Variants in USP35 observed in about 807,000 individuals in gnomAD.
The protein encoded by USP35 is ubiquitin specific peptidase 35, also known as ubiquitin carboxyl-terminal hydrolase 35.
A neutral mutation model predicts 83.8 loss-of-function variants in USP35; 69 were observed. The ratio of observed to expected loss-of-function variants is 0.82; its 90% CI spans 0.68 to 1.01. The LOEUF (loss-of-function observed/expected upper bound fraction) is 1.01, where lower values mean the gene tolerates loss of function less well. USP35 is among the 50% of genes least tolerant of loss of function. USP35 has a pLI of 0.00. For synonymous variants in USP35, 714 were observed against 589.5 expected (o/e 1.21, Z -3.06); for missense variants, 1,503 against 1,362.5 (o/e 1.10, Z -1.62).
chr11:78,227,812 G>A, the USP35 span, among the ~76,000 whole-genome samples: 1 of 151,748 alleles, frequency 6.6e-6, no homozygotes, highest in Non-Finnish European at 1.5e-5. Context: ...AAAAACACAC[G>A]CCCCAACACA....
At chr11:78,230,652 G>C in the USP35 span, among the ~76,000 whole-genome samples, 1 of 152,268 alleles carries the variant, frequency 6.6e-6, no homozygotes, top group Non-Finnish European at 1.5e-5. Context: ...GCATATGATA[G>C]ATAATAGTGA....
downstream of USP35, chr11:78,219,441 G>A (rs766355207): frequency 9.9e-6 from 16 of 1,610,266 alleles, no homozygotes; most frequent in South Asian, 1.8e-4. Flanking sequence ...GGGAAAGAGG[G>A]AGTAGCTGTG....
rs1565407683 is a variant in USP35 at position 78,214,242 on chromosome 11, G to GGGGT, written c.*432_*433insTGGG. On this transcript the variant is annotated 3_prime_UTR_variant, in exon 11 of 11. Transcript: ENST00000529308. ...ATCCAAGCCTTGCACAAAGGGGTGGGGGGGGCAGTGTCTCCTCTGGCTGTC... is the reference window on the plus strand; with the variant it reads ...ATCCAAGCCTTGCACAAAGGGGTGGGGGGTGGGGGCAGTGTCTCCTCTGGCTGTC... The GGGGT allele has an allele frequency of 6.7e-6, 1 of 149,904 alleles. No homozygotes were observed. The highest frequency in any genetic ancestry group is 2.5e-5 in the African/African-American group (1 of 39,442). The allele number at this position is 149,904 out of a possible 1,614,324, so 9.3% of individuals were successfully genotyped here. A position where few individuals can be genotyped will look rare whatever the true frequency, so the allele number is the denominator to read the frequency against.
Position 78,213,791 on chromosome 11 carries a change from A to G in USP35, c.3035A>G (p.Asp1012Gly), listed in dbSNP as rs761401940. The G allele has an allele frequency of 6.4e-7, 1 of 1,551,460 alleles. No homozygotes were observed. Among genetic ancestry groups the G allele is most frequent in the Non-Finnish European group, 8.6e-7 (1 of 1,156,906 alleles). The change falls in exon 11 of 11, where the codon GAC becomes GGC. Residue 1012 changes from aspartate to glycine, a missense_variant. Coordinates refer to ENST00000529308, the MANE Select transcript of USP35 (RefSeq NM_020798.4). ...AATCCTGCAGGTGGCAATGGTGGTG[A>G]CTTCCACAGACTGGTCTTCTAATGT... The part of the protein sequence containing the change: ...GCNPAGGNGG[D>G]FHRLVF
intron 10 of USP35, among the ~76,000 whole-genome samples, chr11:78,211,924 C>T (rs74958227): frequency 0.037 from 5,557 of 152,142 alleles, 250 homozygotes; most frequent in African/African-American, 0.11. Context: ...CCTTGTACTC[C>T]GCATAAGCTC....
At chr11:78,194,595 G>C (rs1190728684) in intron 1 of USP35, among the ~76,000 whole-genome samples, 3 of 152,198 alleles carry the variant, frequency 2.0e-5, no homozygotes, top group Admixed American at 2.0e-4. Flanking sequence ...TGTTAAGAGA[G>C]CAAGCTGTGC....
At chr11:78,226,434 CCTCT>C in the USP35 span, 21 of 1,531,922 alleles carry the variant, frequency 1.4e-5, no homozygotes, top group Admixed American at 3.3e-5. Flanking sequence ...CCTCCTCCTC[CCTCT>C]GAGTCTCAGC....
At chr11:78,231,628 G>T in the USP35 span, among the ~76,000 whole-genome samples, 4 of 152,284 alleles carry the variant, frequency 2.6e-5, no homozygotes, top group Admixed American at 2.6e-4. Flanking sequence ...GATTACAGGC[G>T]TGAGCCACTG....
At position 78,209,661 on chromosome 11, in the gene USP35, T is replaced by A; in HGVS notation, c.1806T>A (p.Pro602=). 6.2e-7 allele frequency: 1 copy of A among 1,613,918 alleles called. No individual in the cohort carries two copies. The part of the protein sequence containing the change: ...AFTDLSLAFP[P]PERCRRRRLG... ...CGGACCTCTCTCTCGCCTTCCCTCCTCCTGAGCGCTGTCGCCGCCGCCGCC... is the reference window on the plus strand; with the variant it reads ...CGGACCTCTCTCTCGCCTTCCCTCCACCTGAGCGCTGTCGCCGCCGCCGCC... Residue 602 remains proline (P), a synonymous_variant, in exon 10 of 11, where the codon CCT becomes CCA. Transcript: ENST00000529308.
At chr11:78,198,350 T>C (rs1174670149) in intron 3 of USP35, among the ~76,000 whole-genome samples, 1 of 152,068 alleles carries the variant, frequency 6.6e-6, no homozygotes, top group African/African-American at 2.4e-5. Context: ...TTTCCCCCTC[T>C]GTAAAAGCAG....
At chr11:78,233,717 C>T in the USP35 span, among the ~76,000 whole-genome samples, 17 of 152,172 alleles carry the variant, frequency 1.1e-4, no homozygotes, top group African/African-American at 4.1e-4. Context: ...AGCGATTCTC[C>T]AGCCTCAGCC....
At chr11:78,222,336 G>C in the USP35 span, 8 of 635,028 alleles carry the variant, frequency 1.3e-5, no homozygotes, top group Middle Eastern at 5.2e-4. Context: ...CGCTCAGCGA[G>C]GTTGTATAAT....
At position 78,215,022 on chromosome 11, in the gene USP35, A is replaced by C. The variant is rs1418746727; in HGVS notation, c.*1209A>C. On this transcript the variant is annotated 3_prime_UTR_variant, in exon 11 of 11. Transcript: ENST00000529308. The stretch of plus-strand genomic sequence containing the variant: ...TGGTGTGGAGTTTGGGCCCAATGTC[A>C]CAGACCCTCAAGATGTCACATCTAA... Among the ~76,000 whole-genome samples the C allele has an allele frequency of 6.6e-6, 1 of 152,086 alleles. No homozygotes were observed. Among genetic ancestry groups the C allele is most frequent in the African/African-American group, 2.4e-5 (1 of 41,398 alleles).
rs537817002 is a variant in USP35, at chr11:78,198,044, C to T, written c.782C>T (p.Ser261Leu). ...AGCAATGATGACAGTGTGACAGACTCGCAGATGCTGACTGCCATTAGCAGG... is the reference window on the plus strand; with the variant it reads ...AGCAATGATGACAGTGTGACAGACTTGCAGATGCTGACTGCCATTAGCAGG... ...NLSNDDSVTD[S>L]QMLTAISRMI... Residue 261 changes from serine to leucine, a missense_variant, in exon 3 of 11, where the codon TCG becomes TTG. Coordinates refer to ENST00000529308, the MANE Select transcript of USP35 (RefSeq NM_020798.4). 13 of 1,614,238 alleles carry T rather than the reference C, an allele frequency of 8.1e-6. No individual in the cohort carries two copies. Among genetic ancestry groups the T allele is most frequent in the Middle Eastern group, 3.3e-4 (2 of 6,062 alleles).
At position 78,210,067 on chromosome 11, in the gene USP35, G is replaced by A. The variant is rs1270829509; in HGVS notation, c.2212G>A (p.Ala738Thr). The A allele has an allele frequency of 1.2e-6, 2 of 1,613,968 alleles. No homozygotes were observed. Among genetic ancestry groups the A allele is most frequent in the Non-Finnish European group, 8.5e-7 (1 of 1,179,926 alleles). Reference sequence around the variant, plus strand: ...GGAAAAGGAAGAAGACAGCCTGGGAGCGGGGACCCACCCGGATGCTGCCAT... The same window carrying A: ...GGAAAAGGAAGAAGACAGCCTGGGAACGGGGACCCACCCGGATGCTGCCAT... Reference protein sequence around the residue: ...EQEKEEDSLGAGTHPDAAIPS... With the variant: ...EQEKEEDSLGTGTHPDAAIPS... The change falls in exon 10 of 11, where the codon GCG (alanine) becomes ACG (threonine). Residue 738 changes from alanine (A) to threonine (T), a missense_variant. Physicochemically the swap from Ala to Thr is moderately conservative, Grantham distance 58 (BLOSUM62 0). Coordinates refer to ENST00000529308, the MANE Select transcript of USP35 (RefSeq NM_020798.4).
At position 78,209,044 on chromosome 11, in the gene USP35, A is replaced by G. The variant is rs974340099; in HGVS notation, c.1592+81A>G. The G allele has an allele frequency of 2.2e-5, 31 of 1,408,046 alleles. No individual in the cohort carries two copies. The African/African-American group carries it at 4.0e-4, about 18-fold the overall frequency. 87.2% of individuals were successfully genotyped at this position (1,408,046 alleles called of 1,614,324 possible). A position where few individuals can be genotyped will look rare whatever the true frequency, so the allele number is the denominator to read the frequency against. ...GCCCAGTACCTCTGAGCTGTGTTGC[A>G]GCGTCCAGGGAATAAGTGTGCTGCC... is the stretch of plus-strand genomic sequence containing the variant. On this transcript the variant is annotated intron_variant, in intron 9 of 10. Transcript: ENST00000529308.
rs2101309 is a variant in USP35 at position 78,200,292 on chromosome 11, G to T, written c.1038+58G>T. 12 of 1,552,208 alleles carry T rather than the reference G, an allele frequency of 7.7e-6. No homozygotes were observed. In the Admixed American group the frequency reaches 1.2e-4, roughly 15 times the overall value. ...CCCCTGCCTGCTGCCCCTGGTAAGG[G>T]CCCTGCCTACTGCCCCTGGTAAGGG... On this transcript the variant is annotated intron_variant, in intron 5 of 10. Coordinates refer to ENST00000529308, the MANE Select transcript of USP35 (RefSeq NM_020798.4).
rs1182941547 is a variant in USP35, at chr11:78,214,357, C to G, written c.*544C>G. The stretch of plus-strand genomic sequence containing the variant: ...ACAGAGACCGAGACCTGCCCCCTTA[C>G]CAAGCGCCACTGCATGGTTTTGGGG... On this transcript the variant is annotated 3_prime_UTR_variant, in exon 11 of 11. Coordinates refer to ENST00000529308, the MANE Select transcript of USP35 (RefSeq NM_020798.4). 1 of 119,102 alleles carries G rather than the reference C, an allele frequency of 8.4e-6. No homozygotes were observed. Among genetic ancestry groups the G allele is most frequent in the Non-Finnish European group, 1.6e-5 (1 of 61,602 alleles). 7.4% of individuals were successfully genotyped at this position (119,102 alleles called of 1,614,324 possible).
intron 1 of USP35, among the ~76,000 whole-genome samples, chr11:78,193,841 C>G (rs1863068320): frequency 6.6e-6 from 1 of 151,996 alleles, no homozygotes; most frequent in Non-Finnish European, 1.5e-5. Context: ...TTTTTCTTTT[C>G]TTTTTTTGAG....
Sources: allele counts gnomAD v4.1 joint callset (sites outside exome capture counted in the v4.1 genomes callset), GRCh38; gene constraint gnomAD v4.1.1; transcripts MANE v1.5; gene names NCBI Gene and HGNC (gene_info 2026-07-23, HGNC 2026-07-21).